Variants in ABCC4 observed in about 807,000 individuals in gnomAD.
ABCC4 encodes ATP-binding cassette sub-family C member 4.
In ABCC4, 102 loss-of-function variants were observed where a neutral mutation model predicts 168.5. The ratio of observed to expected loss-of-function variants is 0.61; its 90% CI spans 0.52 to 0.71. The LOEUF (loss-of-function observed/expected upper bound fraction) is 0.71. Ranked by LOEUF, ABCC4 falls within the 30% of genes least tolerant of loss-of-function variation. The probability of loss-of-function intolerance (pLI) is 0.00; values close to 1 mark genes in which losing one functional copy is unlikely to be tolerated. For missense variants in ABCC4, 1,402 were observed against 1,605.8 expected (o/e 0.87, Z 2.17); for synonymous variants, 617 against 590.7 (o/e 1.04, Z -0.65).
chr13:95,176,246 T>G (rs1024981399), intron 13 of ABCC4, among the ~76,000 whole-genome samples: 1,815 of 16,114 alleles, frequency 0.11, no homozygotes, highest in Non-Finnish European at 0.17. Context: ...GGGGGGGGGG[T>G]GGATCCCTTG....
In ABCC4 at chr13:95,206,658, C is replaced by T. The variant is rs11568703; in HGVS notation, c.1035G>A (p.Val345=). The change falls in exon 8 of 31, where the codon GTG becomes GTA. Residue 345 remains valine, a synonymous_variant. Transcript: ENST00000645237. ...TFTTYVLLGS[V]ITASRVFVAV... ...CCACGAACACGCGGCTGGCTGTGAT[C>T]ACACTGCCGAGGAGCACGTAGGTGG... 4.3e-3 allele frequency: 6,938 copies of T among 1,614,168 alleles called. 31 individuals are homozygous for T. Among genetic ancestry groups the T allele is most frequent in the Middle Eastern group, 0.014 (86 of 6,062 alleles).
chr13:95,099,905 C>A (rs115046093), intron 20 of ABCC4, among the ~76,000 whole-genome samples: 2 of 152,308 alleles, frequency 1.3e-5, no homozygotes, highest in Admixed American at 1.3e-4. Flanking sequence ...GGAAGTGATA[C>A]ATCCATATAG....
At chr13:95,048,944 A>C (rs775562109) in intron 27 of ABCC4, among the ~76,000 whole-genome samples, 2 of 152,144 alleles carry the variant, frequency 1.3e-5, no homozygotes, top group Non-Finnish European at 2.9e-5. Context: ...GCTCTTATTT[A>C]GGGGCCCGAA....
At chr13:95,044,506 A>C in intron 27 of ABCC4, 68 bp from the exon 28 acceptor site, 1 of 1,405,506 alleles carries the variant, frequency 7.1e-7, no homozygotes, top group Non-Finnish European at 9.6e-7. Flanking sequence ...AGCCTCATAG[A>C]CATTAGAACC....
intron 20 of ABCC4, among the ~76,000 whole-genome samples, chr13:95,086,424 T>C (rs931939165): frequency 1.3e-5 from 2 of 152,198 alleles, no homozygotes; most frequent in Non-Finnish European, 2.9e-5. Context: ...ATATCTATAT[T>C]TGAATGGTAG....
chr13:95,194,647 TAA>T (rs993889526), intron 9 of ABCC4, among the ~76,000 whole-genome samples, 187 bp downstream of exon 9: 2 of 152,236 alleles, frequency 1.3e-5, no homozygotes, highest in South Asian at 2.1e-4. Context: ...GTCAAATACC[TAA>T]GTCTGATTTC....
At chr13:95,156,812 G>C (rs886199905) in intron 19 of ABCC4, among the ~76,000 whole-genome samples, 5 of 152,108 alleles carry the variant, frequency 3.3e-5, no homozygotes, top group African/African-American at 1.2e-4. Context: ...CCGGCTCTTG[G>C]CAGGGCGCGG....
chr13:95,242,044 A>G (rs1008508505), intron 3 of ABCC4, among the ~76,000 whole-genome samples: 1 of 152,012 alleles, frequency 6.6e-6, no homozygotes, highest in Admixed American at 6.6e-5. Flanking sequence ...AAAATTGGCA[A>G]CCTCCGGCAT....
Position 95,199,359 on chromosome 13 carries a change from C to T in ABCC4, c.1162-4422G>A, listed in dbSNP as rs7330067. On this transcript the variant is annotated intron_variant, in intron 8 of 30. Coordinates refer to ENST00000645237, the MANE Select transcript of ABCC4 (RefSeq NM_005845.5). The stretch of plus-strand genomic sequence containing the variant: ...AAGTGAACATTGGATCAATTCATTA[C>T]ACTCATCATTTACAACCTCCATTTT... Among the ~76,000 whole-genome samples, 90 of 152,264 alleles carry T rather than the reference C, an allele frequency of 5.9e-4. 1 individual carries two copies. The East Asian group carries it at 0.011, about 18-fold the overall frequency.
At position 95,239,106 on chromosome 13, in the gene ABCC4, A is replaced by C. The variant is rs1222908129; in HGVS notation, c.307-4272T>G. On this transcript the variant is annotated intron_variant, in intron 3 of 30. Coordinates refer to ENST00000645237, the MANE Select transcript of ABCC4 (RefSeq NM_005845.5). The stretch of plus-strand genomic sequence containing the variant: ...CTAGTTTATTTGACTGTAAAAAAAA[A>C]TAGTTTGAAAAGATAGTCCCTGCAC... Among the ~76,000 whole-genome samples, 4 of 149,228 alleles carry C rather than the reference A, an allele frequency of 2.7e-5. No individual in the cohort carries two copies. In the Admixed American group the frequency reaches 2.7e-4, roughly 10 times the overall value.
intron 26 of ABCC4, among the ~76,000 whole-genome samples, chr13:95,059,349 T>C (rs3782946): frequency 0.21 from 32,579 of 152,178 alleles, 3,767 homozygotes; most frequent in East Asian, 0.28. Flanking sequence ...AAGATAACCA[T>C]GTTAAGGATT....
chr13:95,137,003 T>A (rs2036163545), intron 19 of ABCC4, among the ~76,000 whole-genome samples: 1 of 152,196 alleles, frequency 6.6e-6, no homozygotes, highest in South Asian at 2.1e-4. Context: ...CATGGTTTGC[T>A]CTGCAGAGAA....
At chr13:95,187,949 G>A (rs2038121539) in intron 10 of ABCC4, among the ~76,000 whole-genome samples, 1 of 152,178 alleles carries the variant, frequency 6.6e-6, no homozygotes, top group Admixed American at 6.5e-5. Flanking sequence ...AACTTCTGGA[G>A]GGCAGTGGCG....
chr13:95,250,548 G>A (rs868532162), intron 1 of ABCC4, among the ~76,000 whole-genome samples: 31 of 152,178 alleles, frequency 2.0e-4, no homozygotes, highest in African/African-American at 6.7e-4. Flanking sequence ...TAGCATAGTC[G>A]TGCTCAATGC....
At chr13:95,228,457 T>G (rs1396187491) in intron 4 of ABCC4, among the ~76,000 whole-genome samples, 1 of 152,036 alleles carries the variant, frequency 6.6e-6, no homozygotes, top group Non-Finnish European at 1.5e-5. Context: ...ATACCTGCCC[T>G]GCAGCAATGC....
At chr13:95,224,321 C>A (rs1289152106) in intron 4 of ABCC4, among the ~76,000 whole-genome samples, 1 of 151,904 alleles carries the variant, frequency 6.6e-6, no homozygotes, top group East Asian at 1.9e-4. Flanking sequence ...GGGAGAGGGG[C>A]AGACACCACC....
intron 1 of ABCC4, among the ~76,000 whole-genome samples, chr13:95,288,215 G>A (rs189294897): frequency 1.5e-3 from 225 of 152,140 alleles, no homozygotes; most frequent in Non-Finnish European, 2.7e-3. Flanking sequence ...CAAGATCATG[G>A]GTCTTCTGGC....
At chr13:95,074,177 A>AC in intron 23 of ABCC4, 37 bp downstream of exon 23, 1 of 1,475,150 alleles carries the variant, frequency 6.8e-7, no homozygotes, top group Non-Finnish European at 9.4e-7. Flanking sequence ...TATAAATTGT[A>AC]ATCATACCAT....
chr13:95,191,289 G>A (rs2038243514), intron 9 of ABCC4, among the ~76,000 whole-genome samples: 1 of 152,158 alleles, frequency 6.6e-6, no homozygotes, highest in African/African-American at 2.4e-5. Context: ...ATGGTCAAAT[G>A]CTAAAATATG....
Sources: allele counts gnomAD v4.1 joint callset (sites outside exome capture counted in the v4.1 genomes callset), GRCh38; gene constraint gnomAD v4.1.1; transcripts MANE v1.5; gene names NCBI Gene and HGNC (gene_info 2026-07-23, HGNC 2026-07-21).